The following MGAT4C variants were observed in gnomAD, a reference collection of about 807,000 sequenced individuals.
The protein encoded by MGAT4C is alpha-1,3-mannosyl-glycoprotein 4-beta-N-acetylglucosaminyltransferase C.
In MGAT4C, 19 loss-of-function variants were observed where a neutral mutation model predicts 40.1. That is an observed-to-expected ratio of 0.47 (90% CI 0.33 to 0.70). MGAT4C has a LOEUF of 0.70. Ranked by LOEUF, MGAT4C falls within the 30% of genes least tolerant of loss-of-function variation. The pLI, the probability that MGAT4C is intolerant of heterozygous loss-of-function variation, is 0.02. For synonymous variants in MGAT4C, 181 were observed against 187.1 expected (o/e 0.97, Z 0.27); for missense variants, 491 against 563.2 (o/e 0.87, Z 1.30).
At chr12:86,795,234 A>T (rs1952094549) in intron 1 of MGAT4C, among the ~76,000 whole-genome samples, 1 of 151,960 alleles carries the variant, frequency 6.6e-6, no homozygotes, top group Non-Finnish European at 1.5e-5. Context: ...GTTCTTGTGT[A>T]ATAATAATGG....
intron 2 of MGAT4C, among the ~76,000 whole-genome samples, chr12:86,573,574 C>A (rs1242771830): frequency 1.3e-5 from 2 of 151,916 alleles, no homozygotes; most frequent in East Asian, 1.9e-4. Flanking sequence ...CTACCACCAA[C>A]ATCACCACCA....
chr12:86,089,834 C>A (rs1028437718), intron 1 of MGAT4C, among the ~76,000 whole-genome samples: 2 of 151,564 alleles, frequency 1.3e-5, no homozygotes, highest in Non-Finnish European at 3.0e-5. Context: ...TCTTTGAATA[C>A]CATATTATTT....
At chr12:86,013,885 T>C in intron 2 of MGAT4C, 1 of 398,162 alleles carries the variant, frequency 2.5e-6, no homozygotes, top group South Asian at 1.0e-4. Context: ...ATTTTTGGTA[T>C]TACATGACTT....
intron 1 of MGAT4C, among the ~76,000 whole-genome samples, chr12:86,831,114 G>A (rs1373431816): frequency 6.6e-6 from 1 of 151,388 alleles, no homozygotes; most frequent in Non-Finnish European, 1.5e-5. Context: ...CCCATGAAGA[G>A]TATACCTTTT....
chr12:86,559,636 T>C (rs895831791), intron 2 of MGAT4C, among the ~76,000 whole-genome samples: 7 of 152,012 alleles, frequency 4.6e-5, no homozygotes, highest in Middle Eastern at 6.8e-3. Flanking sequence ...CAAAAACCTA[T>C]GGCATATAGC....
rs1471003235 is a variant in MGAT4C, at chr12:85,978,042, C to G, written c.*1247G>C. ...CGGACACATTGTAAAGACACACTCTCCAATCCCTATTAGGAAAAGTTTAGT... is the reference window on the plus strand; with the variant it reads ...CGGACACATTGTAAAGACACACTCTGCAATCCCTATTAGGAAAAGTTTAGT... On this transcript the variant is annotated 3_prime_UTR_variant, in exon 5 of 5. Transcript: ENST00000611864. The G allele has an allele frequency of 6.6e-6, 1 of 151,506 alleles. No individual in the cohort carries two copies. Among genetic ancestry groups the G allele is most frequent in the African/African-American group, 2.4e-5 (1 of 41,364 alleles). 9.4% of individuals were successfully genotyped at this position (151,506 alleles called of 1,614,324 possible).
intron 2 of MGAT4C, among the ~76,000 whole-genome samples, chr12:86,616,609 AT>A (rs1487390010): frequency 6.6e-5 from 10 of 152,118 alleles, no homozygotes; most frequent in Non-Finnish European, 1.3e-4. Flanking sequence ...TTCTTCAAAA[AT>A]ATCAACATTT....
chr12:86,750,527 C>T (rs1951218376), intron 1 of MGAT4C, among the ~76,000 whole-genome samples: 1 of 151,814 alleles, frequency 6.6e-6, no homozygotes, highest in South Asian at 2.1e-4. Context: ...CAAACTTGTC[C>T]ATGGTAGTCT....
intron 1 of MGAT4C, among the ~76,000 whole-genome samples, chr12:86,079,026 C>T (rs1870327789): frequency 6.6e-6 from 1 of 152,056 alleles, no homozygotes; most frequent in South Asian, 2.1e-4. Flanking sequence ...TAGACGAGAA[C>T]AGAGCTTAGA....
At chr12:86,315,853 C>G (rs1296507915) in intron 4 of MGAT4C, among the ~76,000 whole-genome samples, 1 of 151,710 alleles carries the variant, frequency 6.6e-6, no homozygotes, top group Non-Finnish European at 1.5e-5. Context: ...ACAAGTGGTA[C>G]CTCATTAAAC....
At chr12:86,250,276 A>C (rs1952213627) in intron 1 of MGAT4C, among the ~76,000 whole-genome samples, 1 of 151,922 alleles carries the variant, frequency 6.6e-6, no homozygotes, top group South Asian at 2.1e-4. Context: ...TATTAAGTAC[A>C]TGTTAGATGC....
At chr12:86,054,428 G>A (rs1893196103) in intron 1 of MGAT4C, among the ~76,000 whole-genome samples, 1 of 151,930 alleles carries the variant, frequency 6.6e-6, no homozygotes, top group Admixed American at 6.6e-5. Flanking sequence ...CTGGAATGGA[G>A]GTGTGGAGAT....
At chr12:86,682,984 C>A (rs1484999373) in intron 2 of MGAT4C, among the ~76,000 whole-genome samples, 1 of 152,094 alleles carries the variant, frequency 6.6e-6, no homozygotes, top group Non-Finnish European at 1.5e-5. Context: ...TCTTCTGAAA[C>A]TTTATAAAGT....
intron 2 of MGAT4C, among the ~76,000 whole-genome samples, chr12:86,601,912 T>C (rs1158188588): frequency 1.3e-5 from 2 of 152,142 alleles, no homozygotes; most frequent in Non-Finnish European, 2.9e-5. Context: ...GGCTGTAACA[T>C]GCTGTAATAC....
intron 2 of MGAT4C, among the ~76,000 whole-genome samples, chr12:86,466,219 A>G (rs1422952934): frequency 7.0e-6 from 1 of 143,728 alleles, no homozygotes; most frequent in Non-Finnish European, 1.5e-5. Flanking sequence ...AAAAAAAAAC[A>G]AAAACAAAAA....
intron 2 of MGAT4C, among the ~76,000 whole-genome samples, chr12:86,658,994 C>T (rs1215843490): frequency 1.3e-5 from 2 of 151,966 alleles, no homozygotes; most frequent in Non-Finnish European, 2.9e-5. Context: ...TGGAAAAGTG[C>T]CATGTTTGAC....
At chr12:86,176,231 T>C (rs924297920) in intron 1 of MGAT4C, among the ~76,000 whole-genome samples, 1 of 152,190 alleles carries the variant, frequency 6.6e-6, no homozygotes, top group Admixed American at 6.5e-5. Flanking sequence ...GCCTAAATAG[T>C]GTGAGCTCTT....
At chr12:86,441,396 G>A (rs929605672) in intron 2 of MGAT4C, among the ~76,000 whole-genome samples, 3 of 150,790 alleles carry the variant, frequency 2.0e-5, no homozygotes, top group South Asian at 2.1e-4. Flanking sequence ...TGTGCACAAC[G>A]TGCAGGTTTG....
At chr12:86,220,673 C>G (rs1276936586) in intron 1 of MGAT4C, among the ~76,000 whole-genome samples, 1 of 152,122 alleles carries the variant, frequency 6.6e-6, no homozygotes, top group African/African-American at 2.4e-5. Flanking sequence ...TAACAACCAA[C>G]CCTATGTGTG....
Sources: gnomAD v4.1 joint callset for allele counts (sites outside exome capture counted in the v4.1 genomes callset) on GRCh38, gnomAD v4.1.1 for gene constraint, MANE v1.5 for transcripts, NCBI Gene and HGNC (gene_info 2026-07-23, HGNC 2026-07-21) for gene names.